C12orf56: variants seen among roughly 807,000 people sequenced by gnomAD.
C12orf56 encodes chromosome 12 open reading frame 56, also known as uncharacterized protein C12orf56.
Under a neutral mutation model 69.9 loss-of-function variants are expected in C12orf56, and 71 were observed. That is an observed-to-expected ratio of 1.02 (90% confidence interval 0.84 to 1.24). The LOEUF is 1.24. C12orf56 is among the 50% of genes most tolerant of loss of function. C12orf56 has a pLI of 0.00. For synonymous variants in C12orf56, 276 were observed against 274.1 expected (o/e 1.01, Z -0.07); for missense variants, 732 against 738.5 (o/e 0.99, Z 0.10).
chr12:64,326,621 C>T (rs779238379), intron 3 of C12orf56, among the ~76,000 whole-genome samples: 65 of 152,052 alleles, frequency 4.3e-4, no homozygotes, highest in Middle Eastern at 3.4e-3. Context: ...CCTGCAATCT[C>T]AGTTACTCAG....
intron 2 of C12orf56, among the ~76,000 whole-genome samples, chr12:64,348,998 T>C (rs2135946677): frequency 6.6e-6 from 1 of 152,280 alleles, no homozygotes. Context: ...AAGTAATTAT[T>C]TTTTTCTTTT....
chr12:64,267,335 A>T, intron 12 of C12orf56, 47 bp from the exon 13 acceptor site: 1 of 1,415,356 alleles, frequency 7.1e-7, no homozygotes, highest in East Asian at 2.4e-5. Context: ...AAAAACAAGA[A>T]TTTTCACATT....
intron 1 of C12orf56, among the ~76,000 whole-genome samples, chr12:64,354,490 T>C (rs187898551): frequency 1.8e-4 from 28 of 151,990 alleles, no homozygotes; most frequent in Admixed American, 1.8e-3. Flanking sequence ...GGAGTCTTGC[T>C]CTTGTTGCCC....
At chr12:64,275,662 C>T (rs2038041680) in intron 9 of C12orf56, among the ~76,000 whole-genome samples, 1 of 152,064 alleles carries the variant, frequency 6.6e-6, no homozygotes. Flanking sequence ...GAGATGAGGT[C>T]TCACTATATT....
intron 1 of C12orf56, among the ~76,000 whole-genome samples, chr12:64,361,857 C>T (rs997633038): frequency 2.0e-5 from 3 of 152,010 alleles, no homozygotes; most frequent in African/African-American, 7.2e-5. Flanking sequence ...CTCAGCCTCC[C>T]GAGTATCTGG....
intron 1 of C12orf56, among the ~76,000 whole-genome samples, chr12:64,356,199 A>G (rs1394668680): frequency 1.4e-5 from 2 of 146,910 alleles, no homozygotes; most frequent in Admixed American, 1.4e-4. Context: ...AAAAAAAAAA[A>G]CCATACATTT....
intron 1 of C12orf56, among the ~76,000 whole-genome samples, chr12:64,382,504 T>C (rs1305027211): frequency 1.3e-5 from 2 of 152,168 alleles, no homozygotes; most frequent in South Asian, 2.1e-4. Flanking sequence ...TACCATGTTC[T>C]AAGCACTCTT....
chr12:64,362,465 G>A (rs1338721705), intron 1 of C12orf56, among the ~76,000 whole-genome samples: 2 of 152,150 alleles, frequency 1.3e-5, no homozygotes, highest in Non-Finnish European at 2.9e-5. Flanking sequence ...GGTGAAGGGG[G>A]TGGATCACCT....
intron 1 of C12orf56, among the ~76,000 whole-genome samples, chr12:64,382,211 G>A (rs545904989): frequency 2.1e-5 from 3 of 145,094 alleles, no homozygotes; most frequent in Non-Finnish European, 3.0e-5. Context: ...ATAGTGAGCC[G>A]AGATTGCACC....
At chr12:64,306,515 C>T (rs1438399261) in intron 5 of C12orf56, among the ~76,000 whole-genome samples, 11 of 150,740 alleles carry the variant, frequency 7.3e-5, no homozygotes, top group Non-Finnish European at 1.5e-4. Context: ...ACTACAAGTG[C>T]GTACCACCAC....
chr12:64,318,202 C>A (rs10459258), intron 4 of C12orf56, among the ~76,000 whole-genome samples: 149,935 of 152,128 alleles, frequency 0.99, 73,923 homozygotes, highest in Middle Eastern at 1. Flanking sequence ...CTGGGATTAC[C>A]GGCGCGCACC....
chr12:64,371,956 AT>A (rs2039578437), intron 1 of C12orf56, among the ~76,000 whole-genome samples: 6 of 79,756 alleles, frequency 7.5e-5, no homozygotes. Context: ...TAATTTTTGT[AT>A]TTTAGTAGAG....
In C12orf56 at chr12:64,277,744, C is replaced by A. The variant is rs767717212; in HGVS notation, c.1370G>T (p.Cys457Phe). 6.2e-6 allele frequency: 10 copies of A among 1,602,230 alleles called. No individual in the cohort carries two copies. The East Asian group carries it at 9.0e-5, about 14-fold the overall frequency. Residue 457 changes from cysteine (C) to phenylalanine (F), a missense_variant, in exon 9 of 13, where the codon TGT becomes TTT. Coordinates refer to ENST00000543942, the MANE Select transcript of C12orf56 (RefSeq NM_001170633.2). ...LISEPQIPKS[C>F]PVFDIQLVAD... The stretch of plus-strand genomic sequence containing the variant: ...CACCAACTGGATATCAAACACAGGA[C>A]AAGATTTTGGAATCTGAGGCTCACT...
chr12:64,331,464 G>A (rs1285087534), intron 2 of C12orf56, among the ~76,000 whole-genome samples: 1 of 152,136 alleles, frequency 6.6e-6, no homozygotes, highest in African/African-American at 2.4e-5. Context: ...TCACACCACT[G>A]CACTCTAGCC....
intron 2 of C12orf56, among the ~76,000 whole-genome samples, chr12:64,351,225 G>A (rs1290581800): frequency 1.3e-5 from 2 of 152,112 alleles, no homozygotes; most frequent in African/African-American, 4.8e-5. Flanking sequence ...CCACTCATCT[G>A]GGCATGTCAC....
chr12:64,271,179 G>A (rs2037985583), intron 11 of C12orf56, among the ~76,000 whole-genome samples: 1 of 150,392 alleles, frequency 6.6e-6, no homozygotes, highest in Non-Finnish European at 1.5e-5. Flanking sequence ...AAAAGTATAA[G>A]AGGCCAGGTC....
intron 1 of C12orf56, among the ~76,000 whole-genome samples, chr12:64,378,008 G>T (rs11175372): frequency 0.013 from 1,930 of 152,232 alleles, 44 homozygotes; most frequent in African/African-American, 0.043. Flanking sequence ...TGTAATTCAG[G>T]TTTCTTGTCT....
Position 64,277,723 on chromosome 12 carries a change from A to C in C12orf56, c.1391T>G (p.Leu464Trp), listed in dbSNP as rs1225207786. 6.2e-7 allele frequency: 1 copy of C among 1,600,762 alleles called. No individual in the cohort carries two copies. The highest frequency in any genetic ancestry group is 1.7e-5 in the Admixed American group (1 of 59,436). ...TCTGACTAAAGCTGAATCAGCCACC[A>C]ACTGGATATCAAACACAGGACAAGA... The part of the protein sequence containing the change: ...PKSCPVFDIQ[L>W]VADSALVRMS... Residue 464 changes from leucine (L) to tryptophan (W), a missense_variant, in exon 9 of 13, where the codon TTG (leucine) becomes TGG (tryptophan). Transcript: ENST00000543942.
At chr12:64,326,821 G>A (rs376761918) in intron 3 of C12orf56, among the ~76,000 whole-genome samples, 1 of 152,106 alleles carries the variant, frequency 6.6e-6, no homozygotes, top group East Asian at 1.9e-4. Context: ...GAAGAACAAG[G>A]ATACTTGCTA....
Sources: allele counts gnomAD v4.1 joint callset (sites outside exome capture counted in the v4.1 genomes callset), GRCh38; gene constraint gnomAD v4.1.1; transcripts MANE v1.5; gene names NCBI Gene and HGNC (gene_info 2026-07-23, HGNC 2026-07-21).